Variants in LPA observed in about 807,000 individuals in gnomAD.
LPA encodes lipoprotein(a).
LPA carries 199 observed loss-of-function variants against 197.9 expected under a neutral mutation model. That is an observed-to-expected ratio of 1.01 (90% confidence interval 0.90 to 1.13). The LOEUF is 1.13. Ranked by LOEUF, LPA falls within the 50% of genes most tolerant of loss-of-function variation. The pLI, the probability that LPA is intolerant of heterozygous loss-of-function variation, is 0.00. For missense variants in LPA, 1,853 were observed against 1,785.8 expected (o/e 1.04, Z -0.68); for synonymous variants, 715 against 639.5 (o/e 1.12, Z -1.78).
intron 28 of LPA, among the ~76,000 whole-genome samples, chr6:160,564,352 G>A (rs1293976325): frequency 1.3e-5 from 2 of 152,100 alleles, no homozygotes; most frequent in Non-Finnish European, 2.9e-5. Flanking sequence ...TGAAATTCTA[G>A]GTTGAAAATT....
chr6:160,593,200 C>T (rs1779063157), intron 22 of LPA, among the ~76,000 whole-genome samples: 1 of 152,106 alleles, frequency 6.6e-6, no homozygotes, highest in South Asian at 2.1e-4. Flanking sequence ...ATCTGCTTGC[C>T]CTTCAAGGGT....
intron 22 of LPA, among the ~76,000 whole-genome samples, chr6:160,593,350 G>A (rs751096204): frequency 2.6e-5 from 4 of 152,144 alleles, no homozygotes; most frequent in African/African-American, 9.7e-5. Context: ...TGGCAGAAAC[G>A]CTGACGTGGT....
chr6:160,603,259 T>C (rs79018195), intron 18 of LPA, among the ~76,000 whole-genome samples: 1,714 of 151,536 alleles, frequency 0.011, 33 homozygotes, highest in African/African-American at 0.039. Flanking sequence ...TGTGTGTGTG[T>C]GCGTGCATGT....
intron 33 of LPA, among the ~76,000 whole-genome samples, chr6:160,545,185 T>A (rs1778045753): frequency 6.6e-6 from 1 of 152,028 alleles, no homozygotes. Flanking sequence ...CACCTCTAAG[T>A]TTGCCCTTTG....
chr6:160,585,649 C>G (rs954598955), intron 25 of LPA, among the ~76,000 whole-genome samples: 3 of 152,010 alleles, frequency 2.0e-5, no homozygotes, highest in Admixed American at 6.6e-5. Flanking sequence ...AAAGCAAAAG[C>G]CTTCAGATTC....
At chr6:160,648,790 G>C (rs890827378) in intron 2 of LPA, among the ~76,000 whole-genome samples, 1 of 152,062 alleles carries the variant, frequency 6.6e-6, no homozygotes, top group Non-Finnish European at 1.5e-5. Context: ...TGGATAAGGT[G>C]TCTGTTGCAT....
In LPA at chr6:160,537,709, C is replaced by T; in HGVS notation, c.5842+146G>A. The T allele has an allele frequency of 1.4e-5, 10 of 735,418 alleles. No homozygotes were observed. In the South Asian group the frequency reaches 1.6e-4, roughly 11 times the overall value. The allele number at this position is 735,418 out of a possible 1,614,324, so 45.6% of individuals were successfully genotyped here. On this transcript the variant is annotated intron_variant, in intron 37 of 38. Coordinates refer to ENST00000316300, the MANE Select transcript of LPA (RefSeq NM_005577.4). ...GTCCCTTGAAGACTGATTATGGAGA[C>T]ATAGACAGGTGTCCAGGCAAAGTCA...
chr6:160,541,033 G>T (rs1008137251), intron 35 of LPA, 74 bp downstream of exon 35: 4 of 1,257,532 alleles, frequency 3.2e-6, no homozygotes, highest in Non-Finnish European at 3.5e-6. Flanking sequence ...TGGGAAGAAA[G>T]AAGGGATGGA....
In LPA at chr6:160,635,008, C is replaced by G. The variant is rs576072404; in HGVS notation, c.1075+115G>C. 9.2e-5 allele frequency: 138 copies of G among 1,508,146 alleles called. 15 individuals carry two copies. In the African/African-American group the frequency reaches 1.5e-3, roughly 16 times the overall value. 93.4% of individuals were successfully genotyped at this position (1,508,146 alleles called of 1,614,324 possible). On this transcript the variant is annotated intron_variant, in intron 7 of 38. Transcript: ENST00000316300. The stretch of plus-strand genomic sequence containing the variant: ...GGAGGCTTCCCCCAACATGGCAGAA[C>G]TCCGGCAACACTCGAGCATCCGTTT...
rs142063614 is a variant in LPA at position 160,547,903 on chromosome 6, G to A, written c.5190C>T (p.Gly1730=). The A allele has an allele frequency of 1.9e-6, 3 of 1,613,998 alleles. No individual in the cohort carries two copies. The African/African-American group carries it at 4.0e-5, about 22-fold the overall frequency. ...TCCCAGTAACAGTGGTTGCCTTCTT[G>A]CCCCGGTATCCTTTCCCATTCCCAA... is the stretch of plus-strand genomic sequence containing the variant. ...CMFGNGKGYR[G]KKATTVTGTP... The change falls in exon 32 of 39, where the codon GGC becomes GGT. Residue 1730 remains glycine (G), a synonymous_variant. Transcript: ENST00000316300.
At chr6:160,583,678 G>A (rs561075123) in intron 26 of LPA, among the ~76,000 whole-genome samples, 25 of 152,130 alleles carry the variant, frequency 1.6e-4, no homozygotes, top group Non-Finnish European at 3.2e-4. Context: ...GACTTGAAGA[G>A]ACTTCTGTGT....
chr6:160,594,205 T>C, intron 21 of LPA, 88 bp from the exon 22 acceptor site: 2 of 1,529,552 alleles, frequency 1.3e-6, no homozygotes, highest in African/African-American at 2.7e-5. Flanking sequence ...AGGATCATTG[T>C]CTCTGAGAAA....
intron 6 of LPA, among the ~76,000 whole-genome samples, chr6:160,637,351 G>C (rs1212163556): frequency 5.1e-3 from 643 of 126,030 alleles, no homozygotes; most frequent in African/African-American, 0.018. Flanking sequence ...TCCGGTATTT[G>C]TTTCTATTCC....
intron 27 of LPA, among the ~76,000 whole-genome samples, chr6:160,577,673 A>T (rs1048306844): frequency 6.6e-6 from 1 of 152,142 alleles, no homozygotes. Context: ...GGGCCGACAC[A>T]AGACCCTTGC....
chr6:160,647,491 A>G (rs371996260), intron 2 of LPA, among the ~76,000 whole-genome samples: 1 of 152,178 alleles, frequency 6.6e-6, no homozygotes, highest in East Asian at 1.9e-4. Context: ...CAGACCCTCC[A>G]TTCCAGGAAG....
intron 19 of LPA, among the ~76,000 whole-genome samples, chr6:160,600,551 ATG>A (rs1270249099): frequency 4.6e-5 from 7 of 152,198 alleles, no homozygotes; most frequent in African/African-American, 1.4e-4. Flanking sequence ...ATTGCACTGA[ATG>A]CTGTCTACTT....
intron 30 of LPA, among the ~76,000 whole-genome samples, chr6:160,553,576 A>G (rs1182138957): frequency 1.3e-5 from 2 of 152,086 alleles, no homozygotes; most frequent in African/African-American, 4.8e-5. Context: ...GGTCACTTTC[A>G]TTACTGTCCC....
At chr6:160,615,299 G>C (rs1274358485) in intron 14 of LPA, among the ~76,000 whole-genome samples, 1 of 147,314 alleles carries the variant, frequency 6.8e-6, no homozygotes, top group Non-Finnish European at 1.5e-5. Context: ...GTGTCTGTGT[G>C]TGTTAGAACT....
At chr6:160,568,866 T>A (rs1256752559) in intron 28 of LPA, among the ~76,000 whole-genome samples, 1 of 152,186 alleles carries the variant, frequency 6.6e-6, no homozygotes, top group Non-Finnish European at 1.5e-5. Context: ...GGGACATGGA[T>A]GAACTCCCAT....
Sources: gnomAD v4.1 joint callset for allele counts (sites outside exome capture counted in the v4.1 genomes callset) on GRCh38, gnomAD v4.1.1 for gene constraint, MANE v1.5 for transcripts, NCBI Gene and HGNC (gene_info 2026-07-23, HGNC 2026-07-21) for gene names.